The following MAPK10 variants were observed in gnomAD, a reference collection of about 807,000 sequenced individuals.
The protein encoded by MAPK10 is JNK3 alpha protein kinase.
A neutral mutation model predicts 59.3 loss-of-function variants in MAPK10; 25 were observed. The ratio of observed to expected loss-of-function variants is 0.42; its 90% confidence interval spans 0.31 to 0.59. MAPK10 has a LOEUF of 0.59. Ranked by LOEUF, MAPK10 falls within the 20% of genes least tolerant of loss-of-function variation. The pLI is 0.15. For synonymous variants in MAPK10, 190 were observed against 200.5 expected, an observed-to-expected ratio of 0.95 and a Z score of 0.44; for missense variants, 351 against 568.9, an observed-to-expected ratio of 0.62 and a Z score of 3.90.
chr4:86,183,810 T>C lies in MAPK10; in HGVS notation c.66+10526A>G, dbSNP rs1017711419. ...ATCCTCTCCAGCACCTGTTGTTTCC[T>C]GACTTTTTAATGATCGCCATTCTAA... On this transcript the variant is annotated intron_variant, in intron 3 of 13. Transcript: ENST00000641462. Among the ~76,000 whole-genome samples the C allele has an allele frequency of 7.9e-5, 12 of 152,210 alleles. 1 individual carries two copies. Among genetic ancestry groups the C allele is most frequent in the Admixed American group, 3.3e-4 (5 of 15,270 alleles).
chr4:86,423,801 A>G (rs1746893496), intron 1 of MAPK10, among the ~76,000 whole-genome samples: 1 of 143,540 alleles, frequency 7.0e-6, no homozygotes, highest in African/African-American at 2.6e-5. Context: ...ATATATGTTT[A>G]GGAGGCTTCC....
chr4:86,325,530 T>C (rs993263208), intron 2 of MAPK10, among the ~76,000 whole-genome samples: 1 of 152,210 alleles, frequency 6.6e-6, no homozygotes, highest in Non-Finnish European at 1.5e-5. Context: ...TGTTACTAAA[T>C]ACAGCCCTAT....
At chr4:86,213,243 CAA>C (rs1044165415) in intron 2 of MAPK10, among the ~76,000 whole-genome samples, 1 of 151,960 alleles carries the variant, frequency 6.6e-6, no homozygotes, top group African/African-American at 2.4e-5. Context: ...GCTTACAATA[CAA>C]AAGAGAGAAA....
chr4:86,438,690 C>CAA (rs201802038), intron 1 of MAPK10, among the ~76,000 whole-genome samples: 1,209 of 62,990 alleles, frequency 0.019, 5 homozygotes, highest in Non-Finnish European at 0.028. Context: ...AACTCCATCT[C>CAA]AAAAAAAAAA....
At chr4:86,081,540 G>C (rs1267291263) in intron 9 of MAPK10, 1 of 151,842 alleles carries the variant, frequency 6.6e-6, no homozygotes, top group Non-Finnish European at 1.5e-5. Flanking sequence ...TTCATTCTTT[G>C]TTTATAAAAA....
At chr4:86,076,584 G>C (rs1324306788) in intron 9 of MAPK10, among the ~76,000 whole-genome samples, 2 of 152,160 alleles carry the variant, frequency 1.3e-5, no homozygotes, top group African/African-American at 2.4e-5. Flanking sequence ...AGTTAATGGT[G>C]TGTTTTGTCA....
intron 2 of MAPK10, among the ~76,000 whole-genome samples, chr4:86,343,093 A>T (rs569882921): frequency 2.2e-4 from 34 of 151,754 alleles, no homozygotes; most frequent in African/African-American, 8.2e-4. Flanking sequence ...CTCCAAACCC[A>T]CTCTGCTCCT....
chr4:86,437,900 T>G (rs1748954765), intron 1 of MAPK10, among the ~76,000 whole-genome samples: 1 of 152,206 alleles, frequency 6.6e-6, no homozygotes, highest in Admixed American at 6.5e-5. Flanking sequence ...CAATGGAATA[T>G]TCTATAACAA....
intron 1 of MAPK10, among the ~76,000 whole-genome samples, chr4:86,590,949 T>C (rs1763000083): frequency 6.6e-6 from 1 of 152,198 alleles, no homozygotes; most frequent in African/African-American, 2.4e-5. Flanking sequence ...ATTCTAAAAT[T>C]TTTTTTAGAG....
At chr4:86,206,453 C>T (rs2149342625) in intron 2 of MAPK10, among the ~76,000 whole-genome samples, 1 of 151,998 alleles carries the variant, frequency 6.6e-6, no homozygotes, top group Non-Finnish European at 1.5e-5. Context: ...CATTGTTGGA[C>T]ATTTGGGTTG....
intron 1 of MAPK10, among the ~76,000 whole-genome samples, chr4:86,535,461 G>A (rs1758167610): frequency 6.6e-6 from 1 of 152,084 alleles, no homozygotes; most frequent in African/African-American, 2.4e-5. Context: ...GCTGGACTGC[G>A]GTGTCGCTAT....
rs141444625 is a variant in MAPK10, at chr4:86,352,902, G to C, written c.-7+1628C>G. Reference sequence around the variant, plus strand: ...GTCTAAGAGATCCTTCATGGCACATGTCTTGTATCCCTCTTCAACTTTATC... The same window carrying C: ...GTCTAAGAGATCCTTCATGGCACATCTCTTGTATCCCTCTTCAACTTTATC... On this transcript the variant is annotated intron_variant, in intron 2 of 13. Coordinates refer to ENST00000641462, the MANE Select transcript of MAPK10 (RefSeq NM_138982.4). 3.7e-3 allele frequency among the ~76,000 whole-genome samples: 558 copies of C among 152,254 alleles called. 5 individuals are homozygous for C. The highest frequency in any genetic ancestry group is 0.013 in the African/African-American group (529 of 41,552).
intron 12 of MAPK10, 116 bp from the exon 13 acceptor site, chr4:86,029,390 A>G (rs72660194): frequency 0.035 from 22,821 of 654,354 alleles, 547 homozygotes; most frequent in Middle Eastern, 0.049. Context: ...TTAAAAATCA[A>G]TTGAGATTCC....
At chr4:86,185,970 G>A (rs1443199522) in intron 3 of MAPK10, among the ~76,000 whole-genome samples, 1 of 152,072 alleles carries the variant, frequency 6.6e-6, no homozygotes, top group Non-Finnish European at 1.5e-5. Flanking sequence ...CCAGGAAAAT[G>A]TTTGGGTTGG....
intron 1 of MAPK10, among the ~76,000 whole-genome samples, chr4:86,369,072 G>T (rs1251530682): frequency 6.6e-6 from 1 of 152,056 alleles, no homozygotes; most frequent in East Asian, 1.9e-4. Context: ...TATCCTAGAA[G>T]CATGAAAAAA....
At chr4:86,262,690 A>G (rs1258129458) in intron 2 of MAPK10, among the ~76,000 whole-genome samples, 1 of 152,204 alleles carries the variant, frequency 6.6e-6, no homozygotes, top group Non-Finnish European at 1.5e-5. Flanking sequence ...TCTAACCAAT[A>G]CAGTGAAAAA....
rs1315332381 is a variant in MAPK10, at chr4:86,063,997, T to C, written c.1110+269A>G. Reference sequence around the variant, plus strand: ...AAACACACAAGAAGAAACACAAGTATTGGCAATTTAACAGAAACAAATGGT... The same window carrying C: ...AAACACACAAGAAGAAACACAAGTACTGGCAATTTAACAGAAACAAATGGT... On this transcript the variant is annotated intron_variant, in intron 11 of 13. Transcript: ENST00000641462. Among the ~76,000 whole-genome samples the C allele has an allele frequency of 2.6e-4, 40 of 152,216 alleles. 1 individual carries two copies. The highest frequency in any genetic ancestry group is 2.2e-3 in the Admixed American group (34 of 15,282).
At chr4:86,368,660 G>C (rs1738285810) in intron 1 of MAPK10, among the ~76,000 whole-genome samples, 1 of 152,052 alleles carries the variant, frequency 6.6e-6, no homozygotes, top group Non-Finnish European at 1.5e-5. Flanking sequence ...TTTTGGAATG[G>C]GAACCTCCCA....
At chr4:86,314,002 G>A (rs1477936919) in intron 2 of MAPK10, among the ~76,000 whole-genome samples, 1 of 136,284 alleles carries the variant, frequency 7.3e-6, no homozygotes, top group African/African-American at 2.6e-5. Flanking sequence ...TACAAGCAAT[G>A]CAAAAGATCA....
Sources: allele counts gnomAD v4.1 joint callset (sites outside exome capture counted in the v4.1 genomes callset), GRCh38; gene constraint gnomAD v4.1.1; transcripts MANE v1.5; gene names NCBI Gene and HGNC (gene_info 2026-07-23, HGNC 2026-07-21).